Variants in ALG6 observed in about 807,000 individuals in gnomAD.
ALG6 encodes the protein dolichyl pyrophosphate Man9GlcNAc2 alpha-1,3-glucosyltransferase.
A neutral mutation model predicts 66.6 loss-of-function variants in ALG6; 46 were observed. The observed-to-expected ratio is 0.69, with a 90% confidence interval of 0.55 to 0.88. The LOEUF is 0.88. ALG6 is among the 40% of genes least tolerant of loss of function. The pLI, the probability that ALG6 is intolerant of heterozygous loss-of-function variation, is 0.00. For missense variants in ALG6, 505 were observed against 586.8 expected, an observed-to-expected ratio of 0.86 and a Z score of 1.44; for synonymous variants, 185 against 203.7, an observed-to-expected ratio of 0.91 and a Z score of 0.78.
At chr1:63,411,120 A>G (rs768269860) in intron 7 of ALG6, 26 bp from the exon 8 acceptor site, 2 of 1,611,238 alleles carry the variant, frequency 1.2e-6, no homozygotes, top group African/African-American at 1.3e-5. Flanking sequence ...AAGATTATTG[A>G]GATAATTTCC....
At chr1:63,381,697 C>T (rs1057279150) in intron 2 of ALG6, among the ~76,000 whole-genome samples, 1 of 151,888 alleles carries the variant, frequency 6.6e-6, no homozygotes, top group East Asian at 1.9e-4. Context: ...GAGAGGATTC[C>T]ATTATAGAAC....
chr1:63,389,470 A>C (rs1648602948), intron 2 of ALG6, among the ~76,000 whole-genome samples: 1 of 152,108 alleles, frequency 6.6e-6, no homozygotes, highest in South Asian at 2.1e-4. Flanking sequence ...TAGAATTCTA[A>C]ATTCCTTCTC....
At chr1:63,428,571 G>A (rs1249425213) in intron 12 of ALG6, 162 bp from the exon 13 acceptor site, 1 of 581,664 alleles carries the variant, frequency 1.7e-6, no homozygotes, top group East Asian at 2.9e-5. Flanking sequence ...AATTTAGTCT[G>A]GACTGTTAAC....
intron 3 of ALG6, among the ~76,000 whole-genome samples, chr1:63,397,975 A>G (rs1437328314): frequency 6.6e-6 from 1 of 152,228 alleles, no homozygotes; most frequent in Non-Finnish European, 1.5e-5. Flanking sequence ...AGCTCTGGTT[A>G]TAGCATCATA....
chr1:63,407,463 T>C (rs1356120260), intron 7 of ALG6, among the ~76,000 whole-genome samples: 7 of 152,066 alleles, frequency 4.6e-5, no homozygotes, highest in African/African-American at 1.7e-4. Flanking sequence ...GTAAATGTTA[T>C]CTGACGTGAA....
chr1:63,382,170 T>A (rs1648335429), intron 2 of ALG6, among the ~76,000 whole-genome samples: 1 of 150,776 alleles, frequency 6.6e-6, no homozygotes. Flanking sequence ...TTTTTAAAAA[T>A]TTTATTTATA....
chr1:63,386,108 G>A (rs1279958163), intron 2 of ALG6, among the ~76,000 whole-genome samples: 2 of 152,152 alleles, frequency 1.3e-5, no homozygotes, highest in African/African-American at 2.4e-5. Flanking sequence ...TTGATTTGAT[G>A]TACCACATTG....
At chr1:63,369,875 A>G (rs188196034) in intron 1 of ALG6, among the ~76,000 whole-genome samples, 22 of 151,718 alleles carry the variant, frequency 1.5e-4, no homozygotes, top group Admixed American at 1.4e-3. Flanking sequence ...CTGGAGTGCA[A>G]TGGTGCGATC....
intron 2 of ALG6, among the ~76,000 whole-genome samples, chr1:63,371,987 TAGAG>T (rs1419552827): frequency 2.0e-5 from 3 of 152,136 alleles, no homozygotes; most frequent in Admixed American, 1.3e-4. Flanking sequence ...ACAGAGTTAA[TAGAG>T]AGGTAAATGA....
chr1:63,372,428 T>C (rs1315362713), intron 2 of ALG6, among the ~76,000 whole-genome samples: 2 of 151,974 alleles, frequency 1.3e-5, no homozygotes, highest in Non-Finnish European at 2.9e-5. Flanking sequence ...CGAAGATACA[T>C]ATATGGAAAT....
chr1:63,385,205 TTTTTTTTTTTTTG>T (rs1334161945), intron 2 of ALG6, among the ~76,000 whole-genome samples: 162 of 93,822 alleles, frequency 1.7e-3, no homozygotes, highest in Middle Eastern at 0.011. Context: ...TTTTTTTTTT[TTTTTTTTTTTTTG>T]AGACAGAGTC....
In ALG6 at chr1:63,411,100, A is replaced by G. The variant is rs558994688; in HGVS notation, c.495-46A>G. ...GTGTGATTTGCTTTTTAAAAGCTCT[A>G]TCTTTTTAAAAGATTATTGAGATAA... is the stretch of plus-strand genomic sequence containing the variant. On this transcript the variant is annotated intron_variant, in intron 7 of 14. Coordinates refer to ENST00000263440, the MANE Select transcript of ALG6 (RefSeq NM_013339.4). The G allele has an allele frequency of 1.6e-5, 26 of 1,602,808 alleles. No homozygotes were observed. The African/African-American group carries it at 3.0e-4, about 18-fold the overall frequency.
chr1:63,418,547 G>A (rs1316847355), intron 11 of ALG6, among the ~76,000 whole-genome samples: 1 of 152,078 alleles, frequency 6.6e-6, no homozygotes, highest in Non-Finnish European at 1.5e-5. Context: ...ACCAGATCTT[G>A]TAGGCATTGG....
intron 10 of ALG6, among the ~76,000 whole-genome samples, chr1:63,415,023 A>G (rs1302960007): frequency 6.6e-6 from 1 of 152,204 alleles, no homozygotes; most frequent in Non-Finnish European, 1.5e-5. Context: ...GGGGTTTCAC[A>G]TCTGCAAAAT....
chr1:63,371,100 CT>C lies in ALG6; in HGVS notation c.82+44del, dbSNP rs758519391. ...TGGTTAAAAAAAAAACGAAATTTTC[CT>C]TTGAATAGGTGTTTGTTTGGGGAAA... On this transcript the variant is annotated intron_variant, in intron 2 of 14. Transcript: ENST00000263440. 2.9e-6 allele frequency: 4 copies of C among 1,370,978 alleles called. No homozygotes were observed. In the East Asian group the frequency reaches 9.2e-5, roughly 31 times the overall value. The allele number at this position is 1,370,978 out of a possible 1,614,324, so 84.9% of individuals were successfully genotyped here. A position where few individuals can be genotyped will look rare whatever the true frequency, so the allele number is the denominator to read the frequency against.
At chr1:63,417,949 A>G (rs1197978919) in intron 11 of ALG6, among the ~76,000 whole-genome samples, 3 of 152,102 alleles carry the variant, frequency 2.0e-5, no homozygotes, top group Admixed American at 6.5e-5. Flanking sequence ...CAGCCTGACC[A>G]ACATGGAGAA....
At chr1:63,378,683 T>C (rs1648207997) in intron 2 of ALG6, among the ~76,000 whole-genome samples, 1 of 152,206 alleles carries the variant, frequency 6.6e-6, no homozygotes. Flanking sequence ...TCAAATATTG[T>C]ATCTTCCTCA....
chr1:63,383,635 A>C (rs1648407916), intron 2 of ALG6, among the ~76,000 whole-genome samples: 1 of 152,180 alleles, frequency 6.6e-6, no homozygotes, highest in Non-Finnish European at 1.5e-5. Context: ...ATTAGGGTAA[A>C]TGAGGTATTC....
chr1:63,400,269 G>GTATA (rs370667539), intron 3 of ALG6, among the ~76,000 whole-genome samples: 4,145 of 7,500 alleles, frequency 0.55, 1,447 homozygotes, highest in Middle Eastern at 1. Context: ...ATATATATAC[G>GTATA]TATATATATA....
Sources: gnomAD v4.1 joint callset for allele counts (sites outside exome capture counted in the v4.1 genomes callset) on GRCh38, gnomAD v4.1.1 for gene constraint, MANE v1.5 for transcripts, NCBI Gene and HGNC (gene_info 2026-07-23, HGNC 2026-07-21) for gene names.